The following INPP4A variants were observed in gnomAD, a reference collection of about 807,000 sequenced individuals.
INPP4A encodes the protein inositol polyphosphate-4-phosphatase type I A.
A neutral mutation model predicts 119.8 loss-of-function variants in INPP4A; 33 were observed. The observed-to-expected ratio is 0.28, with a 90% CI of 0.21 to 0.37. The LOEUF (loss-of-function observed/expected upper bound fraction) is 0.37, where lower values mean the gene tolerates loss of function less well. INPP4A is among the 10% of genes least tolerant of loss of function. INPP4A has a pLI of 1.00. For missense variants in INPP4A, 956 were observed against 1,289.9 expected (o/e 0.74, Z 3.97); for synonymous variants, 496 against 500.7 (o/e 0.99, Z 0.12).
Position 98,554,285 on chromosome 2 carries a change from C to T in INPP4A, c.1362C>T (p.Val454=). The T allele has an allele frequency of 6.2e-7, 1 of 1,605,824 alleles. No homozygotes were observed. The highest frequency in any genetic ancestry group is 8.5e-7 in the Non-Finnish European group (1 of 1,176,684). ...TGCACCTGCAGACACGGCAGCTGGT[C>T]ACGGTCTGCGACTGCAAGCTCCTGG... ...AILADKTRQL[V]TVCDCKLLAN... The change falls in exon 15 of 25, where the codon GTC becomes GTT. Residue 454 remains valine (V), a synonymous_variant. Transcript: ENST00000409851. This position sits in a 1 kb window ranked among gnomAD's most constrained non-coding sequence, Gnocchi z 4.7.
intron 1 of INPP4A, among the ~76,000 whole-genome samples, chr2:98,463,207 G>T (rs902719094): frequency 4.6e-5 from 7 of 152,232 alleles, no homozygotes; most frequent in Non-Finnish European, 1.0e-4. Context: ...TTTGACCCCA[G>T]TTTCAGGTAC....
At position 98,520,105 on chromosome 2, in the gene INPP4A, G is replaced by C; in HGVS notation, c.57G>C (p.Arg19=). Residue 19 remains arginine, a synonymous_variant, in exon 3 of 25, where the codon CGG becomes CGC. Coordinates refer to ENST00000409851, the MANE Select transcript of INPP4A (RefSeq NM_001134225.2). ...GTGCCAGGGCCCGTGCAATGCAGCG[G>C]GCTTCCACCATCGACGTGGCGGCCG... The part of the protein sequence containing the change: ...RHGARARAMQ[R]ASTIDVAADM... 6.3e-7 allele frequency: 1 copy of C among 1,576,790 alleles called. No homozygotes were observed. Among genetic ancestry groups the C allele is most frequent in the Non-Finnish European group, 8.6e-7 (1 of 1,159,920 alleles).
intron 1 of INPP4A, among the ~76,000 whole-genome samples, chr2:98,462,154 ATTACC>A (rs1673693426): frequency 6.6e-6 from 1 of 152,250 alleles, no homozygotes; most frequent in African/African-American, 2.4e-5. Flanking sequence ...TCTCTAAAAT[ATTACC>A]TTCTAGTGGC....
In INPP4A at chr2:98,554,268, C is replaced by T. The variant is rs1193093985; in HGVS notation, c.1348-3C>T. 1 of 1,595,758 alleles carries T rather than the reference C, an allele frequency of 6.3e-7. No individual in the cohort carries two copies. Among genetic ancestry groups the T allele is most frequent in the Non-Finnish European group, 8.5e-7 (1 of 1,171,614 alleles). On this transcript the variant is annotated splice_polypyrimidine_tract_variant and splice_region_variant and intron_variant, in intron 14 of 24. Transcript: ENST00000409851. This position sits in a 1 kb window ranked among gnomAD's most constrained non-coding sequence, Gnocchi z 4.7. ...AGCAGCCTTGGTTTGTGTGCACCTG[C>T]AGACACGGCAGCTGGTCACGGTCTG...
At chr2:98,444,790 G>GGCGCGGGCCGGGCCCTCAGC (rs1693860763), upstream of INPP4A, 1 of 152,362 alleles carries the variant, frequency 6.6e-6, no homozygotes, top group Admixed American at 6.5e-5. Context: ...GGGGTCGCAG[G>GGCGCGGGCCGGGCCCTCAGC]GCGCGGGCCG....
At position 98,593,832 on chromosome 2, in the gene INPP4A, C is replaced by T. The variant is rs1249218199; in HGVS notation, c.*6224C>T. On this transcript the variant is annotated 3_prime_UTR_variant, in exon 25 of 25. Transcript: ENST00000409851. The stretch of plus-strand genomic sequence containing the variant: ...TCAGTCCCCTCGGATCTGGACCTCT[C>T]CTGAGCATCCTCACCCCTCCTGCAA... 7.6e-6 allele frequency: 1 copy of T among 132,124 alleles called. No homozygotes were observed. Among genetic ancestry groups the T allele is most frequent in the African/African-American group, 2.8e-5 (1 of 35,958 alleles). The allele number at this position is 132,124 out of a possible 1,614,324, so 8.2% of individuals were successfully genotyped here.
rs760644490 is a variant in INPP4A at position 98,589,615 on chromosome 2, G to C, written c.*2007G>C. ...CATAAAACTGTAAGACTTGGCAAAT[G>C]CTATAGAAAAGGTTCAGGTTTCAGT... is the stretch of plus-strand genomic sequence containing the variant. On this transcript the variant is annotated 3_prime_UTR_variant, in exon 25 of 25. Transcript: ENST00000409851. 3 of 179,046 alleles carry C rather than the reference G, an allele frequency of 1.7e-5. No homozygotes were observed. The highest frequency in any genetic ancestry group is 3.6e-5 in the Non-Finnish European group (3 of 83,562). The allele number at this position is 179,046 out of a possible 1,614,324, so 11.1% of individuals were successfully genotyped here. A position where few individuals can be genotyped will look rare whatever the true frequency, so the allele number is the denominator to read the frequency against.
rs564260401 is a variant in INPP4A at position 98,566,781 on chromosome 2, G to A, written c.2420+612G>A. ...TGCACGTGTGCCTGTGTGCGCACATGTGTGTGAGGAGATAGGGTAGATTGG... is the reference window on the plus strand; with the variant it reads ...TGCACGTGTGCCTGTGTGCGCACATATGTGTGAGGAGATAGGGTAGATTGG... On this transcript the variant is annotated intron_variant, in intron 21 of 24. Transcript: ENST00000409851. This position sits in a 1 kb window ranked among gnomAD's most constrained non-coding sequence, Gnocchi z 4.2. Among the ~76,000 whole-genome samples, 12 of 151,172 alleles carry A rather than the reference G, an allele frequency of 7.9e-5. No homozygotes were observed. The highest frequency in any genetic ancestry group is 3.9e-4 in the East Asian group (2 of 5,176).
intron 14 of INPP4A, 105 bp downstream of exon 14, chr2:98,553,074 A>T: frequency 1.1e-6 from 1 of 891,464 alleles, no homozygotes; most frequent in Non-Finnish European, 1.7e-6. Context: ...AGAGCGTGAC[A>T]TTGGGATGAC....
At chr2:98,581,541 CTTTTTCT>C (rs1057279316) in intron 24 of INPP4A, 1 of 1,477,330 alleles carries the variant, frequency 6.8e-7, no homozygotes, top group African/African-American at 1.5e-5. Flanking sequence ...TTCCTTTTTC[CTTTTTCT>C]TTCTCCCAAA....
intron 1 of INPP4A, among the ~76,000 whole-genome samples, chr2:98,469,384 C>T (rs548792894): frequency 4.1e-4 from 62 of 152,108 alleles, no homozygotes; most frequent in Admixed American, 1.8e-3. Flanking sequence ...GCCTGTAATC[C>T]CAGCTTCTCG....
intron 23 of INPP4A, among the ~76,000 whole-genome samples, chr2:98,576,428 G>A (rs895893403): frequency 2.6e-5 from 4 of 152,172 alleles, no homozygotes; most frequent in Non-Finnish European, 1.5e-5. Flanking sequence ...AGGCCTGTGG[G>A]GCTGGTGGTC....
chr2:98,550,543 G>C (rs1693317111), intron 13 of INPP4A, among the ~76,000 whole-genome samples: 2 of 152,186 alleles, frequency 1.3e-5, no homozygotes, highest in South Asian at 4.1e-4. Flanking sequence ...TGGGGTGGGG[G>C]CCTAATGCAA....
chr2:98,461,243 C>T (rs539008508), intron 1 of INPP4A, among the ~76,000 whole-genome samples: 2 of 152,356 alleles, frequency 1.3e-5, no homozygotes, highest in South Asian at 2.1e-4. Context: ...ATAGACTTCA[C>T]TATGCCACAT....
At position 98,577,117 on chromosome 2, in the gene INPP4A, C is replaced by T. The variant is rs778596337; in HGVS notation, c.2760C>T (p.Phe920=). The change falls in exon 24 of 25, where the codon TTC becomes TTT. Residue 920 remains phenylalanine (F), a synonymous_variant. Coordinates refer to ENST00000409851, the MANE Select transcript of INPP4A (RefSeq NM_001134225.2). ...AGCATGGCATGGCCCCGCAGGTCTT[C>T]ACCCAGGCCCTGGAGTGCATGCGCA... is the stretch of plus-strand genomic sequence containing the variant. ...QHEHGMAPQV[F]TQALECMRSE... is the part of the protein sequence containing the mutation. 5.0e-6 allele frequency: 8 copies of T among 1,612,964 alleles called. No individual in the cohort carries two copies. In the African/African-American group the frequency reaches 5.3e-5, roughly 11 times the overall value.
At chr2:98,558,051 C>A (rs1694810445) in intron 16 of INPP4A, among the ~76,000 whole-genome samples, 1 of 152,242 alleles carries the variant, frequency 6.6e-6, no homozygotes, top group Non-Finnish European at 1.5e-5. Context: ...CATGTGTGTA[C>A]AGAGGAAGTC....
intron 9 of INPP4A, 35 bp downstream of exon 9, chr2:98,539,016 CTAGT>C: frequency 7.5e-7 from 1 of 1,333,938 alleles, no homozygotes; most frequent in South Asian, 1.3e-5. Flanking sequence ...TCTTGCCTCT[CTAGT>C]GAGTATCCAC....
intron 1 of INPP4A, among the ~76,000 whole-genome samples, chr2:98,502,789 A>G (rs1305086950): frequency 6.6e-6 from 1 of 152,246 alleles, no homozygotes; most frequent in Non-Finnish European, 1.5e-5. Context: ...TGAGGTCACC[A>G]AGGAGACCTA....
chr2:98,454,690 A>G lies in INPP4A; in HGVS notation c.-166+9605A>G, dbSNP rs1405239713. ...TCCTGCTCAGGGTACCTTCCAGGGG[A>G]AATATCACAGAAGAGGGAGGTGCTG... On this transcript the variant is annotated intron_variant, in intron 1 of 24. Transcript: ENST00000409851. 4.1e-5 allele frequency among the ~76,000 whole-genome samples: 6 copies of G among 145,388 alleles called. No individual in the cohort carries two copies. In the Admixed American group the frequency reaches 4.3e-4, roughly 10 times the overall value.
Sources: allele counts gnomAD v4.1 joint callset (sites outside exome capture counted in the v4.1 genomes callset), GRCh38; gene constraint gnomAD v4.1.1; non-coding constraint Gnocchi (gnomAD v3.1); transcripts MANE v1.5; gene names NCBI Gene and HGNC (gene_info 2026-07-23, HGNC 2026-07-21).